TRIM24: variants seen among roughly 807,000 people sequenced by gnomAD.
The protein encoded by TRIM24 is transcription intermediary factor 1-alpha.
Under a neutral mutation model 123.9 loss-of-function variants are expected in TRIM24, and 29 were observed. The ratio of observed to expected loss-of-function variants is 0.23; its 90% CI spans 0.17 to 0.32. The LOEUF is 0.32. Among genes scored for constraint, TRIM24 ranks in the 10% least tolerant of loss-of-function variants. TRIM24 has a pLI of 1.00. For synonymous variants in TRIM24, 456 were observed against 461.1 expected, an observed-to-expected ratio of 0.99 and a Z score of 0.14; for missense variants, 932 against 1,295.3, an observed-to-expected ratio of 0.72 and a Z score of 4.31.
chr7:138,479,460 T>C (rs570708470), intron 1 of TRIM24, among the ~76,000 whole-genome samples: 2 of 152,122 alleles, frequency 1.3e-5, no homozygotes, highest in South Asian at 4.2e-4. Context: ...GCAGCCTTTA[T>C]CTGCCAGGTT....
chr7:138,545,205 A>C (rs572592283), intron 7 of TRIM24, among the ~76,000 whole-genome samples: 65 of 152,130 alleles, frequency 4.3e-4, no homozygotes, highest in African/African-American at 1.5e-3. Flanking sequence ...TTCACATAAA[A>C]ACTATCAAGA....
chr7:138,545,184 GTATC>G (rs1328027625), intron 7 of TRIM24, among the ~76,000 whole-genome samples: 1 of 151,606 alleles, frequency 6.6e-6, no homozygotes, highest in Non-Finnish European at 1.5e-5. Context: ...GTGTGTGTGT[GTATC>G]TATATATTCA....
chr7:138,513,894 T>C (rs1796340337), intron 2 of TRIM24, among the ~76,000 whole-genome samples: 1 of 152,196 alleles, frequency 6.6e-6, no homozygotes, highest in Admixed American at 6.5e-5. Flanking sequence ...ACATTCTAGA[T>C]TACATCCTTT....
chr7:138,583,799 G>T, intron 17 of TRIM24, 51 bp from the exon 18 acceptor site: 1 of 1,266,444 alleles, frequency 7.9e-7, no homozygotes. Context: ...ATATATTTAG[G>T]ACAAGGTGGA....
chr7:138,564,934 CG>C (rs1459005244), intron 9 of TRIM24, among the ~76,000 whole-genome samples: 1 of 152,166 alleles, frequency 6.6e-6, no homozygotes, highest in Non-Finnish European at 1.5e-5. Flanking sequence ...ACTTTCACTT[CG>C]GACCGATTAG....
intron 1 of TRIM24, among the ~76,000 whole-genome samples, chr7:138,470,513 A>G (rs1383259203): frequency 6.6e-6 from 1 of 152,238 alleles, no homozygotes; most frequent in African/African-American, 2.4e-5. Flanking sequence ...ATAGAAGATT[A>G]TGGTAGGCCA....
intron 2 of TRIM24, among the ~76,000 whole-genome samples, chr7:138,509,093 C>T (rs996128347): frequency 5.9e-5 from 9 of 151,740 alleles, no homozygotes; most frequent in Non-Finnish European, 1.3e-4. Flanking sequence ...GGACTACAGG[C>T]TTGTGCCACC....
rs1437646518 is a variant in TRIM24, at chr7:138,554,991, T to A, written c.1530+25T>A. 6.2e-7 allele frequency: 1 copy of A among 1,605,972 alleles called. No individual in the cohort carries two copies. The highest frequency in any genetic ancestry group is 8.5e-7 in the Non-Finnish European group (1 of 1,174,748). On this transcript the variant is annotated intron_variant, in intron 9 of 18. Transcript: ENST00000343526. The surrounding 1 kb of genome is among the most constrained non-coding windows in gnomAD (Gnocchi z 4.5). ...GGTAAATTTGGAAGCAGGCCTGTCC[T>A]CACTTAGATAATTATAGTATAATTG...
intron 1 of TRIM24, among the ~76,000 whole-genome samples, chr7:138,478,422 G>A (rs563457048): frequency 4.0e-4 from 61 of 152,242 alleles, no homozygotes; most frequent in African/African-American, 1.4e-3. Flanking sequence ...CAGGAGGATC[G>A]CTTGAGACTA....
chr7:138,569,946 CTT>C (rs535279990), intron 10 of TRIM24, among the ~76,000 whole-genome samples: 30 of 135,990 alleles, frequency 2.2e-4, no homozygotes, highest in Admixed American at 3.7e-4. Flanking sequence ...TCAAGTCATC[CTT>C]TTTTTTTTTT....
Position 138,523,533 on chromosome 7 carries a change from A to G in TRIM24, c.765-1708A>G, listed in dbSNP as rs903770817. Among the ~76,000 whole-genome samples the G allele has an allele frequency of 4.6e-5, 7 of 152,214 alleles. No individual in the cohort carries two copies. The East Asian group carries it at 1.4e-3, about 29-fold the overall frequency. ...CACCTGGGGAGGCCGAGGCGGGCGG[A>G]TCACAAGGTCAGGAGATTGAGACCA... On this transcript the variant is annotated intron_variant, in intron 4 of 18. Transcript: ENST00000343526.
intron 1 of TRIM24, among the ~76,000 whole-genome samples, chr7:138,466,458 A>C: frequency 1.9e-5 from 1 of 52,552 alleles, no homozygotes; most frequent in Non-Finnish European, 4.0e-5. Context: ...TCAAAACTTA[A>C]GTTGCTTTTT....
chr7:138,554,733 C>A lies in TRIM24; in HGVS notation c.1297C>A (p.Gln433Lys). The change falls in exon 9 of 19, where the codon CAA becomes AAA. Residue 433 changes from glutamine (Q) to lysine (K), a missense_variant. By Grantham distance (53) the Gln-to-Lys change is moderately conservative. This residue lies in a region of TRIM24 where 527 missense variants were observed against 691.3 expected (regional missense o/e 0.76). Transcript: ENST00000343526. The surrounding 1 kb of genome is among the most constrained non-coding windows in gnomAD (Gnocchi z 4.5). ...LVIEDKESQP[Q>K]MPKQNPVVEQ... ...AATCGAGGATAAAGAGAGCCAGCCA[C>A]AAATGCCTAAGCAGAATCCTGTCGT... 1 of 1,614,136 alleles carries A rather than the reference C, an allele frequency of 6.2e-7. No homozygotes were observed. Among genetic ancestry groups the A allele is most frequent in the South Asian group, 1.1e-5 (1 of 91,084 alleles).
intron 4 of TRIM24, among the ~76,000 whole-genome samples, chr7:138,522,932 GT>G (rs1414964942): frequency 6.6e-6 from 1 of 152,042 alleles, no homozygotes; most frequent in African/African-American, 2.4e-5. Flanking sequence ...AAGCCTTGAG[GT>G]TTTTCTTTTT....
At chr7:138,517,360 GTGTTT>G (rs574134474) in intron 3 of TRIM24, among the ~76,000 whole-genome samples, 16 of 151,644 alleles carry the variant, frequency 1.1e-4, no homozygotes, top group Admixed American at 4.6e-4. Context: ...TTGTGTGTGT[GTGTTT>G]TGTTTTGTTT....
intron 7 of TRIM24, among the ~76,000 whole-genome samples, chr7:138,540,893 C>CCT (rs928780908): frequency 1.2e-4 from 19 of 152,138 alleles, no homozygotes; most frequent in African/African-American, 4.1e-4. Context: ...GGCTGGAGTG[C>CCT]AGTGGTGTGA....
At chr7:138,567,375 C>A in intron 9 of TRIM24, 106 bp from the exon 10 acceptor site, 13 of 972,296 alleles carry the variant, frequency 1.3e-5, no homozygotes, top group Non-Finnish European at 8.7e-6. Flanking sequence ...ATTGATTGAT[C>A]TGTGGCAGAG....
chr7:138,481,280 CTTG>C (rs1563026318), intron 1 of TRIM24, among the ~76,000 whole-genome samples: 1 of 151,850 alleles, frequency 6.6e-6, no homozygotes, highest in Non-Finnish European at 1.5e-5. Flanking sequence ...GAGACTTGAT[CTTG>C]TTGTGTTGTC....
chr7:138,539,413 C>T (rs1356843609), intron 7 of TRIM24, among the ~76,000 whole-genome samples: 1 of 152,150 alleles, frequency 6.6e-6, no homozygotes, highest in Admixed American at 6.6e-5. Context: ...CATATGACTA[C>T]CACATCACTT....
Sources: gnomAD v4.1 joint callset for allele counts (sites outside exome capture counted in the v4.1 genomes callset) on GRCh38, gnomAD v4.1.1 for gene constraint, gnomAD v4.1.1 regional missense constraint, Gnocchi (gnomAD v3.1) non-coding constraint, MANE v1.5 for transcripts, NCBI Gene and HGNC (gene_info 2026-07-23, HGNC 2026-07-21) for gene names.